Variants in MACROH2A2 observed in about 807,000 individuals in gnomAD.
MACROH2A2 encodes macroH2A.2 histone, also known as core histone macro-H2A.2.
Under a neutral mutation model 37.6 loss-of-function variants are expected in MACROH2A2, and 6 were observed. That is an observed-to-expected ratio of 0.16 (90% CI 0.09 to 0.32). The LOEUF is 0.32. MACROH2A2 is among the 10% of genes least tolerant of loss of function. The probability of loss-of-function intolerance (pLI) is 1.00; values close to 1 mark genes in which losing one functional copy is unlikely to be tolerated. For synonymous variants in MACROH2A2, 192 were observed against 202.7 expected, an observed-to-expected ratio of 0.95 and a Z score of 0.45; for missense variants, 290 against 485.9, an observed-to-expected ratio of 0.60 and a Z score of 3.79.
chr10:70,098,304 G>A (rs1174386967), intron 6 of MACROH2A2: 2 of 128,972 alleles, frequency 1.6e-5, no homozygotes, highest in African/African-American at 5.6e-5. Flanking sequence ...GGGAGGGAGG[G>A]AAAGAAAAAG....
At chr10:70,067,186 A>ACCT (rs2072084464) in intron 1 of MACROH2A2, among the ~76,000 whole-genome samples, 1 of 152,200 alleles carries the variant, frequency 6.6e-6, no homozygotes, top group South Asian at 2.1e-4. Flanking sequence ...GGCTTGTAGG[A>ACCT]GCCTAACCAT....
chr10:70,088,661 C>T (rs1488422037), intron 2 of MACROH2A2, among the ~76,000 whole-genome samples: 1 of 152,224 alleles, frequency 6.6e-6, no homozygotes, highest in Non-Finnish European at 1.5e-5. Flanking sequence ...GACCCCCAGG[C>T]TCTATGTGCT....
At chr10:70,088,178 C>T (rs2072222764) in intron 2 of MACROH2A2, among the ~76,000 whole-genome samples, 1 of 149,462 alleles carries the variant, frequency 6.7e-6, no homozygotes, top group African/African-American at 2.5e-5. Flanking sequence ...CACACACGCA[C>T]ACATATGCCC....
At chr10:70,065,734 C>T (rs2072075476) in intron 1 of MACROH2A2, among the ~76,000 whole-genome samples, 1 of 151,574 alleles carries the variant, frequency 6.6e-6, no homozygotes, top group Non-Finnish European at 1.5e-5. Context: ...ACCTGGTTTA[C>T]AGGAATCTCA....
intron 2 of MACROH2A2, among the ~76,000 whole-genome samples, chr10:70,080,900 A>AC (rs1206046239): frequency 3.3e-4 from 49 of 148,568 alleles, no homozygotes; most frequent in African/African-American, 1.2e-3. Flanking sequence ...AAAAAAAAAA[A>AC]AAAAAAAAAA....
chr10:70,088,901 C>T (rs972772003), intron 2 of MACROH2A2, among the ~76,000 whole-genome samples: 2 of 152,118 alleles, frequency 1.3e-5, no homozygotes, highest in South Asian at 2.1e-4. Context: ...GTCAGGAGTT[C>T]GAGTCCAGCC....
At chr10:70,069,118 A>G (rs2072094475) in intron 1 of MACROH2A2, among the ~76,000 whole-genome samples, 1 of 152,226 alleles carries the variant, frequency 6.6e-6, no homozygotes, top group Non-Finnish European at 1.5e-5. Context: ...TGTCTGAGTC[A>G]GTGCTGCAAC....
intron 1 of MACROH2A2, among the ~76,000 whole-genome samples, chr10:70,072,732 G>T (rs958782105): frequency 6.6e-6 from 1 of 152,074 alleles, no homozygotes; most frequent in African/African-American, 2.4e-5. Flanking sequence ...TGAGGAAGAT[G>T]GATCACTTGA....
chr10:70,071,727 T>C (rs2072112052), intron 1 of MACROH2A2, among the ~76,000 whole-genome samples: 1 of 152,336 alleles, frequency 6.6e-6, no homozygotes, highest in Admixed American at 6.5e-5. Flanking sequence ...CATCTTACCA[T>C]ACTGAATACT....
At chr10:70,064,707 T>C (rs1343932484) in intron 1 of MACROH2A2, among the ~76,000 whole-genome samples, 2 of 152,234 alleles carry the variant, frequency 1.3e-5, no homozygotes, top group Non-Finnish European at 2.9e-5. Context: ...TCCTCATTTT[T>C]TTCTTGCTGC....
chr10:70,085,535 G>A (rs912440784), intron 2 of MACROH2A2, among the ~76,000 whole-genome samples: 5 of 152,206 alleles, frequency 3.3e-5, no homozygotes, highest in African/African-American at 7.2e-5. Flanking sequence ...TATAATTAAT[G>A]TGCTATTTCC....
At chr10:70,093,986 A>G in intron 5 of MACROH2A2, 141 bp downstream of exon 5, 1 of 568,620 alleles carries the variant, frequency 1.8e-6, no homozygotes, top group Non-Finnish European at 3.2e-6. Context: ...TAAACTAAAG[A>G]GCTGTGGCAG....
Position 70,111,720 on chromosome 10 carries a change from G to C in MACROH2A2, c.*37G>C. The C allele has an allele frequency of 6.6e-7, 1 of 1,519,110 alleles. No homozygotes were observed. The highest frequency in any genetic ancestry group is 8.9e-7 in the Non-Finnish European group (1 of 1,127,836). 94.1% of individuals were successfully genotyped at this position (1,519,110 alleles called of 1,614,324 possible). A position where few individuals can be genotyped will look rare whatever the true frequency, so the allele number is the denominator to read the frequency against. ...TCCAGCAGGGATCGGAGGACGACCC[G>C]AGTCCCAAGAGTGGGGTTTTGCTTT... On this transcript the variant is annotated 3_prime_UTR_variant, in exon 9 of 9. Coordinates refer to ENST00000373255, the MANE Select transcript of MACROH2A2 (RefSeq NM_018649.3).
chr10:70,075,532 G>C lies in MACROH2A2; in HGVS notation c.-59-68G>C. 2.3e-6 allele frequency: 2 copies of C among 879,402 alleles called. No individual in the cohort carries two copies. Among genetic ancestry groups the C allele is most frequent in the East Asian group, 5.0e-5 (2 of 40,270 alleles). 54.5% of individuals were successfully genotyped at this position (879,402 alleles called of 1,614,324 possible). A position where few individuals can be genotyped will look rare whatever the true frequency, so the allele number is the denominator to read the frequency against. The stretch of plus-strand genomic sequence containing the variant: ...CAGAGGTGTCACAGTGGTGCCCAAG[G>C]GCCATGCCACTGTGCCCAAGATGTT... On this transcript the variant is annotated intron_variant, in intron 1 of 8. Coordinates refer to ENST00000373255, the MANE Select transcript of MACROH2A2 (RefSeq NM_018649.3). The surrounding 1 kb of genome is among the most constrained non-coding windows in gnomAD (Gnocchi z 5.0).
At chr10:70,084,323 G>T (rs1376719734) in intron 2 of MACROH2A2, among the ~76,000 whole-genome samples, 1 of 152,206 alleles carries the variant, frequency 6.6e-6, no homozygotes, top group African/African-American at 2.4e-5. Context: ...AGACTACAAA[G>T]ATTTGTGTAT....
chr10:70,090,755 G>T (rs1022060173), intron 3 of MACROH2A2, among the ~76,000 whole-genome samples: 4 of 152,070 alleles, frequency 2.6e-5, no homozygotes, highest in Non-Finnish European at 5.9e-5. Context: ...AAAATCACTA[G>T]AAAAATTAAA....
intron 1 of MACROH2A2, among the ~76,000 whole-genome samples, chr10:70,058,695 C>T (rs2072031686): frequency 6.6e-6 from 1 of 152,022 alleles, no homozygotes; most frequent in African/African-American, 2.4e-5. Flanking sequence ...TGCGCTCCTG[C>T]CTTCACTGCT....
rs965488097 is a variant in MACROH2A2, at chr10:70,053,606, CG to C, written c.-60+609del. ...CCGGGGAAGGTCAGGTCGGGGACGC[CG>C]GGTGGCGGGGCGAGGGCTGGGGGTT... On this transcript the variant is annotated intron_variant, in intron 1 of 8. Transcript: ENST00000373255. The surrounding 1 kb of genome is among the most constrained non-coding windows in gnomAD (Gnocchi z 4.8). 2.9e-4 allele frequency among the ~76,000 whole-genome samples: 44 copies of C among 151,032 alleles called. 1 individual carries two copies. Among genetic ancestry groups the C allele is most frequent in the African/African-American group, 9.7e-4 (40 of 41,274 alleles).
intron 1 of MACROH2A2, among the ~76,000 whole-genome samples, chr10:70,060,610 C>G (rs760473170): frequency 7.9e-5 from 12 of 152,172 alleles, no homozygotes; most frequent in Non-Finnish European, 1.2e-4. Context: ...TACTGGAACA[C>G]TCACCCTAGC....
Sources: gnomAD v4.1 joint callset for allele counts (sites outside exome capture counted in the v4.1 genomes callset) on GRCh38, gnomAD v4.1.1 for gene constraint, Gnocchi (gnomAD v3.1) non-coding constraint, MANE v1.5 for transcripts, NCBI Gene and HGNC (gene_info 2026-07-23, HGNC 2026-07-21) for gene names.